The following ST18 variants were observed in gnomAD, a reference collection of about 807,000 sequenced individuals.
The protein encoded by ST18 is ST18 C2H2C-type zinc finger transcription factor, also known as suppression of tumorigenicity 18 protein.
Under a neutral mutation model 110.0 loss-of-function variants are expected in ST18, and 50 were observed. The observed-to-expected ratio is 0.45, with a 90% CI of 0.36 to 0.58. The LOEUF is 0.58. Among genes scored for constraint, ST18 ranks in the 20% least tolerant of loss-of-function variants. ST18 has a pLI of 0.00. For missense variants in ST18, 1,306 were observed against 1,280.1 expected (o/e 1.02, Z -0.31); for synonymous variants, 461 against 452.4 (o/e 1.02, Z -0.24).
At chr8:52,337,317 T>A (rs1298207410) in intron 2 of ST18, among the ~76,000 whole-genome samples, 2 of 152,198 alleles carry the variant, frequency 1.3e-5, no homozygotes, top group African/African-American at 4.8e-5. Flanking sequence ...TTCGGTGCAA[T>A]TTGTTTCTCT....
At chr8:52,357,726 TATATAA>T (rs1823751718) in intron 2 of ST18, among the ~76,000 whole-genome samples, 8 of 91,858 alleles carry the variant, frequency 8.7e-5, no homozygotes, top group Middle Eastern at 6.9e-3. Context: ...TATATATATA[TATATAA>T]AACAGACTCA....
chr8:52,223,643 C>CA lies in ST18; in HGVS notation c.-418-1851dup, dbSNP rs200869357. ...TGAGCAACAGAGTGAGACTCTGTCT[C>CA]AAAAAAAAAAAAAAAATTTACTTAT... On this transcript the variant is annotated intron_variant, in intron 3 of 25. Coordinates refer to ENST00000689386, the MANE Select transcript of ST18 (RefSeq NM_001352837.2). Among the ~76,000 whole-genome samples the CA allele has an allele frequency of 3.5e-3, 400 of 115,396 alleles. 1 individual carries two copies. Among genetic ancestry groups the CA allele is most frequent in the Middle Eastern group, 0.019 (4 of 206 alleles). The allele number at this position is 115,396 out of a possible 152,430, so 75.7% of individuals were successfully genotyped here. A position where few individuals can be genotyped will look rare whatever the true frequency, so the allele number is the denominator to read the frequency against.
intron 2 of ST18, among the ~76,000 whole-genome samples, chr8:52,305,412 T>C (rs1186855749): frequency 6.6e-6 from 1 of 152,236 alleles, no homozygotes; most frequent in African/African-American, 2.4e-5. Flanking sequence ...CTCATTCCTG[T>C]CTTGCTGTCA....
At chr8:52,397,172 C>G (rs896028367) in intron 2 of ST18, among the ~76,000 whole-genome samples, 3 of 152,178 alleles carry the variant, frequency 2.0e-5, no homozygotes, top group African/African-American at 7.2e-5. Flanking sequence ...AATAATCATC[C>G]TAACAGGTAT....
In ST18 at chr8:52,126,047, C is replaced by G; in HGVS notation, c.2755+5G>C. 1 of 1,613,986 alleles carries G rather than the reference C, an allele frequency of 6.2e-7. No homozygotes were observed. Among genetic ancestry groups the G allele is most frequent in the Middle Eastern group, 1.7e-4 (1 of 6,060 alleles). ...AGGTGGTGACAGCCAGCCCTGTGCT[C>G]TTACCCCCAGTTGCTTTGAGCTTGA... On this transcript the variant is annotated splice_donor_5th_base_variant and intron_variant, in intron 23 of 25. Transcript: ENST00000689386.
chr8:52,119,854 A>G (rs2044007686), intron 23 of ST18, among the ~76,000 whole-genome samples: 2 of 152,264 alleles, frequency 1.3e-5, no homozygotes, highest in African/African-American at 4.8e-5. Flanking sequence ...AAAGTGAGCC[A>G]TGCATGGACC....
chr8:52,156,705 C>A (rs886903037), intron 15 of ST18, among the ~76,000 whole-genome samples: 3 of 152,216 alleles, frequency 2.0e-5, no homozygotes, highest in East Asian at 3.8e-4. Context: ...GGACAGAATT[C>A]TAGACATTGT....
intron 4 of ST18, among the ~76,000 whole-genome samples, chr8:52,221,366 T>A (rs901721144): frequency 1.3e-5 from 2 of 152,198 alleles, no homozygotes; most frequent in African/African-American, 4.8e-5. Flanking sequence ...CTTTTGCTAA[T>A]GTTTTAAGTT....
intron 2 of ST18, among the ~76,000 whole-genome samples, chr8:52,339,323 T>A (rs1296925644): frequency 6.6e-6 from 1 of 152,220 alleles, no homozygotes; most frequent in Admixed American, 6.5e-5. Context: ...TGGGCTTCTC[T>A]GACGTGTTCC....
chr8:52,375,772 T>G (rs552963793), intron 2 of ST18, among the ~76,000 whole-genome samples: 2 of 152,126 alleles, frequency 1.3e-5, no homozygotes, highest in African/African-American at 4.8e-5. Flanking sequence ...GTATCTCCAC[T>G]AGGATGTCTT....
intron 2 of ST18, among the ~76,000 whole-genome samples, chr8:52,255,878 G>A (rs2138521026): frequency 6.6e-6 from 1 of 152,326 alleles, no homozygotes; most frequent in Admixed American, 6.5e-5. Context: ...TTCTCTTGCA[G>A]CAAGATCTAA....
chr8:52,187,043 T>TA lies in ST18; in HGVS notation c.87-6732dup, dbSNP rs558397784. 6.6e-3 allele frequency among the ~76,000 whole-genome samples: 980 copies of TA among 149,438 alleles called. 5 individuals carry two copies. The highest frequency in any genetic ancestry group is 0.014 in the Middle Eastern group (4 of 292). On this transcript the variant is annotated intron_variant, in intron 8 of 25. Coordinates refer to ENST00000689386, the MANE Select transcript of ST18 (RefSeq NM_001352837.2). ...TGTTTTATACTTCAATAAGTTTACTTAAAAAAAAAAGAGTCTTAGCAGGTC... is the reference window on the plus strand; with the variant it reads ...TGTTTTATACTTCAATAAGTTTACTTAAAAAAAAAAAGAGTCTTAGCAGGTC...
chr8:52,273,661 G>A (rs1032551642), intron 2 of ST18, among the ~76,000 whole-genome samples: 14 of 152,156 alleles, frequency 9.2e-5, no homozygotes, highest in Non-Finnish European at 1.9e-4. Flanking sequence ...GGCTGCTCAG[G>A]CAAAATGGGT....
At chr8:52,139,575 C>T (rs1378435270) in intron 17 of ST18, among the ~76,000 whole-genome samples, 1 of 151,998 alleles carries the variant, frequency 6.6e-6, no homozygotes, top group Non-Finnish European at 1.5e-5. Flanking sequence ...AGGCTGGTTT[C>T]GAACTCCTGA....
chr8:52,157,832 G>T lies in ST18; in HGVS notation c.1806+1066C>A, dbSNP rs181700972. 3.3e-5 allele frequency among the ~76,000 whole-genome samples: 5 copies of T among 152,378 alleles called. No homozygotes were observed. In the East Asian group the frequency reaches 9.7e-4, roughly 29 times the overall value. Reference sequence around the variant, plus strand: ...CTCCTGAAGGCCTGGCACAGCACAGGCAGCAGCTGACCATGCCGGGGACCG... The same window carrying T: ...CTCCTGAAGGCCTGGCACAGCACAGTCAGCAGCTGACCATGCCGGGGACCG... On this transcript the variant is annotated intron_variant, in intron 15 of 25. Transcript: ENST00000689386.
At chr8:52,171,377 G>T (rs58009022) in intron 10 of ST18, among the ~76,000 whole-genome samples, 1,926 of 152,308 alleles carry the variant, frequency 0.013, 38 homozygotes, top group African/African-American at 0.042. Context: ...TCCCAAAAAG[G>T]ACCAGAGCAT....
At chr8:52,148,691 A>AAGGAGGGG (rs1276474358) in intron 16 of ST18, among the ~76,000 whole-genome samples, 8 of 128,840 alleles carry the variant, frequency 6.2e-5, no homozygotes, top group African/African-American at 2.2e-4. Context: ...GGAGAGAGGG[A>AAGGAGGGG]AGGAGGGGAG....
chr8:52,135,840 GC>G (rs1440418280), intron 19 of ST18, among the ~76,000 whole-genome samples: 1 of 152,054 alleles, frequency 6.6e-6, no homozygotes, highest in Non-Finnish European at 1.5e-5. Flanking sequence ...AAACGCTGAT[GC>G]TGCTGTCTAC....
intron 17 of ST18, among the ~76,000 whole-genome samples, chr8:52,140,544 A>T (rs1170197004): frequency 1.6e-5 from 2 of 126,712 alleles, no homozygotes; most frequent in Non-Finnish European, 3.4e-5. Context: ...GATAGATGAT[A>T]GATGATAGAT....
Sources: gnomAD v4.1 joint callset for allele counts (sites outside exome capture counted in the v4.1 genomes callset) on GRCh38, gnomAD v4.1.1 for gene constraint, MANE v1.5 for transcripts, NCBI Gene and HGNC (gene_info 2026-07-23, HGNC 2026-07-21) for gene names.